Variants in AKAP13 observed in about 807,000 individuals in gnomAD.
The protein encoded by AKAP13 is A-kinase anchoring protein 13, also known as A-kinase anchor protein 13.
Under a neutral mutation model 264.5 loss-of-function variants are expected in AKAP13, and 80 were observed. The ratio of observed to expected loss-of-function variants is 0.30; its 90% CI spans 0.25 to 0.36. AKAP13 has a LOEUF of 0.36. AKAP13 is among the 10% of genes least tolerant of loss of function. The pLI is 1.00. For missense variants in AKAP13, 3,712 were observed against 3,435.2 expected, an observed-to-expected ratio of 1.08 and a Z score of -2.01; for synonymous variants, 1,380 against 1,250.2, an observed-to-expected ratio of 1.10 and a Z score of -2.19.
chr15:85,678,522 TC>T, intron 14 of AKAP13, among the ~76,000 whole-genome samples: 1 of 152,202 alleles, frequency 6.6e-6, no homozygotes. Context: ...GAAAATCCAC[TC>T]TAACTTTGGG....
intron 10 of AKAP13, among the ~76,000 whole-genome samples, chr15:85,650,354 C>T (rs894669422): frequency 6.6e-6 from 1 of 152,114 alleles, no homozygotes; most frequent in African/African-American, 2.4e-5. Context: ...TCACTTGAGC[C>T]TTGAAGTTCA....
intron 14 of AKAP13, among the ~76,000 whole-genome samples, chr15:85,676,283 A>G (rs1236640656): frequency 1.3e-5 from 2 of 152,202 alleles, no homozygotes; most frequent in South Asian, 2.1e-4. Context: ...AGCAGTGGCA[A>G]TAGGGGAGGA....
intron 10 of AKAP13, among the ~76,000 whole-genome samples, chr15:85,654,686 T>G (rs1169031419): frequency 1.3e-5 from 2 of 152,060 alleles, no homozygotes; most frequent in African/African-American, 4.8e-5. Flanking sequence ...TAGCTCAGCA[T>G]GCTGGCACAT....
intron 12 of AKAP13, among the ~76,000 whole-genome samples, chr15:85,663,084 C>T (rs1487362386): frequency 7.2e-5 from 11 of 151,998 alleles, no homozygotes; most frequent in Non-Finnish European, 1.0e-4. Flanking sequence ...CTGCGGTGGG[C>T]GGATCACCTG....
At chr15:85,556,156 T>C (rs1375508900) in intron 5 of AKAP13, among the ~76,000 whole-genome samples, 1 of 152,206 alleles carries the variant, frequency 6.6e-6, no homozygotes, top group Non-Finnish European at 1.5e-5. Flanking sequence ...AGTCTCAGTT[T>C]CCACACATGC....
At chr15:85,503,007 G>A (rs2076077729) in intron 2 of AKAP13, among the ~76,000 whole-genome samples, 1 of 152,210 alleles carries the variant, frequency 6.6e-6, no homozygotes, top group African/African-American at 2.4e-5. Flanking sequence ...ATTATGAAAT[G>A]TGGGATGTTT....
In AKAP13 at chr15:85,749,060, T is replaced by C; in HGVS notation, c.*4383T>C. On this transcript the variant is annotated 3_prime_UTR_variant, in exon 37 of 37. Transcript: ENST00000394518. Reference sequence around the variant, plus strand: ...GGGATCCGCAGGAGGGTGGTTGGGATACACCGGATACCTCTGCTCTCATTG... The same window carrying C: ...GGGATCCGCAGGAGGGTGGTTGGGACACACCGGATACCTCTGCTCTCATTG... The C allele has an allele frequency of 6.6e-6, 1 of 152,298 alleles. No homozygotes were observed. Among genetic ancestry groups the C allele is most frequent in the Non-Finnish European group, 1.5e-5 (1 of 68,064 alleles). The allele number at this position is 152,298 out of a possible 1,614,324, so 9.4% of individuals were successfully genotyped here.
At chr15:85,617,234 G>GT (rs981061450) in intron 8 of AKAP13, among the ~76,000 whole-genome samples, 1 of 138,880 alleles carries the variant, frequency 7.2e-6, no homozygotes, top group African/African-American at 3.0e-5. Flanking sequence ...CTTTTTTGTT[G>GT]TTGTTGTTGT....
intron 5 of AKAP13, among the ~76,000 whole-genome samples, chr15:85,550,756 TC>T (rs1219768256): frequency 6.6e-6 from 1 of 152,164 alleles, no homozygotes; most frequent in African/African-American, 2.4e-5. Flanking sequence ...TAACTTGACA[TC>T]TGGCCAAATT....
chr15:85,707,748 C>G (rs748170882), intron 17 of AKAP13, among the ~76,000 whole-genome samples: 10 of 151,858 alleles, frequency 6.6e-5, no homozygotes, highest in African/African-American at 9.7e-5. Context: ...GTCGTTGTTC[C>G]TCTCATTAAG....
chr15:85,691,195 A>G (rs1430057413), intron 16 of AKAP13, among the ~76,000 whole-genome samples: 2 of 152,254 alleles, frequency 1.3e-5, no homozygotes, highest in Non-Finnish European at 2.9e-5. Flanking sequence ...TTTTTAGGAC[A>G]TAACAATGGT....
At chr15:85,668,327 G>C (rs1356539581) in intron 13 of AKAP13, among the ~76,000 whole-genome samples, 1 of 152,154 alleles carries the variant, frequency 6.6e-6, no homozygotes, top group Non-Finnish European at 1.5e-5. Context: ...ATTTCATTCT[G>C]TGAAGGGAAA....
intron 5 of AKAP13, among the ~76,000 whole-genome samples, chr15:85,563,669 GAGC>G (rs976579382): frequency 2.0e-5 from 3 of 152,294 alleles, no homozygotes; most frequent in Admixed American, 2.0e-4. Flanking sequence ...ATAAGGGGGA[GAGC>G]ACAGGCTTTG....
At chr15:85,488,228 C>T (rs558090657) in intron 2 of AKAP13, among the ~76,000 whole-genome samples, 13 of 152,272 alleles carry the variant, frequency 8.5e-5, no homozygotes, top group African/African-American at 3.1e-4. Flanking sequence ...TGCCAGGCTA[C>T]CTTGGTTGAA....
At position 85,664,672 on chromosome 15, in the gene AKAP13, G is replaced by A; in HGVS notation, c.4909G>A (p.Glu1637Lys). The change falls in exon 13 of 37, where the codon GAG becomes AAG. Residue 1637 changes from glutamate (E) to lysine (K), a missense_variant. Coordinates refer to ENST00000394518, the MANE Select transcript of AKAP13 (RefSeq NM_007200.5). ...AEELRHPFSG[E>K]ERVDSLVSLS... ...AGAGCTCAGACACCCATTCAGTGGT[G>A]AGGAACGGGTTGACTCTTTGGTGTC... 1 of 1,614,150 alleles carries A rather than the reference G, an allele frequency of 6.2e-7. No individual in the cohort carries two copies. Among genetic ancestry groups the A allele is most frequent in the Non-Finnish European group, 8.5e-7 (1 of 1,179,980 alleles).
intron 18 of AKAP13, 189 bp from the exon 19 acceptor site, chr15:85,710,390 A>G (rs2151696653): frequency 1.9e-6 from 1 of 518,210 alleles, no homozygotes; most frequent in Non-Finnish European, 3.4e-6. Flanking sequence ...GACAGCATCT[A>G]CGGCATTGGA....
At chr15:85,388,210 ATTTTTTTT>A (rs576182387) in intron 1 of AKAP13, among the ~76,000 whole-genome samples, 10 of 140,172 alleles carry the variant, frequency 7.1e-5, no homozygotes, top group Admixed American at 2.1e-4. Context: ...TAATTTTTGT[ATTTTTTTT>A]TTTTTAAGTG....
intron 1 of AKAP13, among the ~76,000 whole-genome samples, chr15:85,403,035 T>G (rs930646665): frequency 6.6e-6 from 1 of 152,206 alleles, no homozygotes; most frequent in African/African-American, 2.4e-5. Flanking sequence ...CCAAGGACTC[T>G]TAATAGTAGG....
intron 8 of AKAP13, among the ~76,000 whole-genome samples, chr15:85,609,660 A>C (rs946403855): frequency 6.6e-6 from 1 of 152,120 alleles, no homozygotes; most frequent in Non-Finnish European, 1.5e-5. Context: ...TTCTTGCATC[A>C]TCTGTTTGTA....
Sources: gnomAD v4.1 joint callset for allele counts (sites outside exome capture counted in the v4.1 genomes callset) on GRCh38, gnomAD v4.1.1 for gene constraint, MANE v1.5 for transcripts, NCBI Gene and HGNC (gene_info 2026-07-23, HGNC 2026-07-21) for gene names.